MACROD2: variants seen among roughly 807,000 people sequenced by gnomAD.
MACROD2 encodes the protein ADP-ribose glycohydrolase MACROD2.
MACROD2 carries 36 observed loss-of-function variants against 70.4 expected under a neutral mutation model. The observed-to-expected ratio is 0.51, with a 90% confidence interval of 0.39 to 0.68. The LOEUF (loss-of-function observed/expected upper bound fraction) is 0.68, where lower values mean the gene tolerates loss of function less well. MACROD2 is among the 30% of genes least tolerant of loss of function. The probability of loss-of-function intolerance (pLI) is 0.00; values close to 1 mark genes in which losing one functional copy is unlikely to be tolerated. For missense variants in MACROD2, 496 were observed against 538.4 expected (o/e 0.92, Z 0.78); for synonymous variants, 172 against 178.8 (o/e 0.96, Z 0.30).
intron 6 of MACROD2, among the ~76,000 whole-genome samples, chr20:15,362,789 A>T (rs1057166769): frequency 2.0e-5 from 3 of 152,296 alleles, no homozygotes; most frequent in African/African-American, 7.2e-5. Context: ...AAAATTAGTC[A>T]TTCTTGCATA....
intron 4 of MACROD2, among the ~76,000 whole-genome samples, chr20:14,504,178 CT>C (rs1167672974): frequency 6.6e-6 from 1 of 152,186 alleles, no homozygotes; most frequent in Non-Finnish European, 1.5e-5. Context: ...TAATAGGCAC[CT>C]ACCAACTAGC....
intron 5 of MACROD2, among the ~76,000 whole-genome samples, chr20:14,907,670 G>A (rs561045439): frequency 6.0e-4 from 91 of 152,138 alleles, no homozygotes; most frequent in Non-Finnish European, 9.1e-4. Flanking sequence ...AAGGAAGTTA[G>A]GATATTGTGC....
chr20:14,135,724 G>A (rs1241683497), intron 3 of MACROD2, among the ~76,000 whole-genome samples: 1 of 152,056 alleles, frequency 6.6e-6, no homozygotes, highest in Non-Finnish European at 1.5e-5. Context: ...AGGAAAAGTG[G>A]TTGACAAAAT....
At chr20:14,057,688 A>G (rs971084937) in intron 2 of MACROD2, among the ~76,000 whole-genome samples, 2 of 152,210 alleles carry the variant, frequency 1.3e-5, no homozygotes. Context: ...ATAGGAATTC[A>G]TGCAGATACC....
intron 5 of MACROD2, among the ~76,000 whole-genome samples, chr20:14,968,202 A>G (rs978488293): frequency 5.3e-5 from 8 of 152,170 alleles, no homozygotes; most frequent in African/African-American, 1.9e-4. Flanking sequence ...TTTCTCTTCA[A>G]AAGCATTTTT....
At chr20:15,084,645 CTTTG>C (rs1421643664) in intron 5 of MACROD2, among the ~76,000 whole-genome samples, 4 of 152,132 alleles carry the variant, frequency 2.6e-5, no homozygotes, top group Admixed American at 6.5e-5. Flanking sequence ...ATTTTTCTTA[CTTTG>C]TTTGTATTTT....
At chr20:14,618,037 C>G (rs919088325) in intron 4 of MACROD2, among the ~76,000 whole-genome samples, 1 of 152,100 alleles carries the variant, frequency 6.6e-6, no homozygotes, top group South Asian at 2.1e-4. Flanking sequence ...CAACTAGCAA[C>G]CTGAGTAATT....
chr20:15,936,688 T>TATATATATATATATATATA (rs11473996), intron 11 of MACROD2, among the ~76,000 whole-genome samples: 5 of 150,578 alleles, frequency 3.3e-5, no homozygotes, highest in East Asian at 2.0e-4. Flanking sequence ...TATATATATA[T>TATATATATATATATATATA]TCATTTTCCA....
chr20:15,748,239 A>T (rs978273236), intron 8 of MACROD2, among the ~76,000 whole-genome samples: 16 of 152,152 alleles, frequency 1.1e-4, no homozygotes, highest in African/African-American at 3.6e-4. Context: ...TCAGTCTGGG[A>T]CTACTTCAGT....
chr20:15,047,038 G>A (rs1480448679), intron 5 of MACROD2, among the ~76,000 whole-genome samples: 1 of 152,140 alleles, frequency 6.6e-6, no homozygotes, highest in Non-Finnish European at 1.5e-5. Flanking sequence ...GCCCTTGGCT[G>A]AAAAGCACAT....
chr20:15,093,112 G>A (rs1267652859), intron 5 of MACROD2, among the ~76,000 whole-genome samples: 1 of 152,094 alleles, frequency 6.6e-6, no homozygotes, highest in Non-Finnish European at 1.5e-5. Flanking sequence ...ACACTGAAGT[G>A]ATTATTTGTA....
rs998613207 is a variant in MACROD2, at chr20:14,978,863, A to T, written c.419-251077A>T. 8.4e-5 allele frequency among the ~76,000 whole-genome samples: 11 copies of T among 131,214 alleles called. No individual in the cohort carries two copies. In the East Asian group the frequency reaches 1.7e-3, roughly 20 times the overall value. 86.1% of individuals were successfully genotyped at this position (131,214 alleles called of 152,430 possible). A position where few individuals can be genotyped will look rare whatever the true frequency, so the allele number is the denominator to read the frequency against. Reference sequence around the variant, plus strand: ...GGAGGGTATTATTATATATATATATAATATATTATATAATATATAAAATAT... The same window carrying T: ...GGAGGGTATTATTATATATATATATTATATATTATATAATATATAAAATAT... On this transcript the variant is annotated intron_variant, in intron 5 of 17. Coordinates refer to ENST00000684519, the MANE Select transcript of MACROD2 (RefSeq NM_001351661.2).
intron 5 of MACROD2, among the ~76,000 whole-genome samples, chr20:15,148,963 G>A (rs140889694): frequency 0.014 from 2,067 of 152,092 alleles, 59 homozygotes; most frequent in African/African-American, 0.048. Context: ...GTATAGAGGT[G>A]GGAAGGCTAA....
intron 5 of MACROD2, among the ~76,000 whole-genome samples, chr20:14,769,977 TA>T (rs2072143391): frequency 6.6e-6 from 1 of 152,032 alleles, no homozygotes; most frequent in South Asian, 2.1e-4. Context: ...AATGATGCTG[TA>T]AAAATATTTA....
intron 5 of MACROD2, among the ~76,000 whole-genome samples, chr20:14,974,915 C>T (rs957731203): frequency 8.5e-5 from 13 of 152,104 alleles, no homozygotes; most frequent in African/African-American, 2.9e-4. Flanking sequence ...CACAAAGGCA[C>T]ACACACAATG....
chr20:14,544,368 T>A (rs1349855932), intron 4 of MACROD2, among the ~76,000 whole-genome samples: 1 of 152,150 alleles, frequency 6.6e-6, no homozygotes, highest in Non-Finnish European at 1.5e-5. Context: ...ACAGATTCTG[T>A]CTTCTAATCT....
chr20:14,440,751 A>C (rs917999597), intron 3 of MACROD2, among the ~76,000 whole-genome samples: 1 of 152,176 alleles, frequency 6.6e-6, no homozygotes, highest in Non-Finnish European at 1.5e-5. Flanking sequence ...GCTAAGCCTC[A>C]GGGGGCATTA....
intron 4 of MACROD2, among the ~76,000 whole-genome samples, chr20:14,623,870 G>A (rs2123458401): frequency 6.6e-6 from 1 of 152,354 alleles, no homozygotes; most frequent in Middle Eastern, 3.4e-3. Flanking sequence ...CAGGCTTCAA[G>A]TACATGGTTG....
chr20:14,463,421 TAAG>T (rs1476366441), intron 3 of MACROD2, among the ~76,000 whole-genome samples: 2 of 152,094 alleles, frequency 1.3e-5, no homozygotes, highest in Non-Finnish European at 2.9e-5. Context: ...CTTATCAGCT[TAAG>T]GAGATTTTGG....
Sources: allele counts gnomAD v4.1 joint callset (sites outside exome capture counted in the v4.1 genomes callset), GRCh38; gene constraint gnomAD v4.1.1; transcripts MANE v1.5; gene names NCBI Gene and HGNC (gene_info 2026-07-23, HGNC 2026-07-21).